MYBPC1: variants seen among roughly 807,000 people sequenced by gnomAD.
The protein encoded by MYBPC1 is myosin-binding protein C, slow-type.
MYBPC1 carries 52 observed loss-of-function variants against 147.1 expected under a neutral mutation model. The ratio of observed to expected loss-of-function variants is 0.35; its 90% CI spans 0.28 to 0.45. The LOEUF (loss-of-function observed/expected upper bound fraction) is 0.45. Ranked by LOEUF, MYBPC1 falls within the 20% of genes least tolerant of loss-of-function variation. The probability of loss-of-function intolerance (pLI) is 1.00; values close to 1 mark genes in which losing one functional copy is unlikely to be tolerated. For synonymous variants in MYBPC1, 477 were observed against 475.9 expected (o/e 1.00, Z -0.03); for missense variants, 1,228 against 1,440.3 (o/e 0.85, Z 2.39).
At chr12:101,684,461 G>T in intron 31 of MYBPC1, 37 bp downstream of exon 31, 1 of 1,493,576 alleles carries the variant, frequency 6.7e-7, no homozygotes, top group South Asian at 1.1e-5. Flanking sequence ...TGAAGCTTAT[G>T]ACTGTCATAA....
chr12:101,693,541 G>A, the MYBPC1 span, among the ~76,000 whole-genome samples: 4 of 152,120 alleles, frequency 2.6e-5, no homozygotes, highest in Non-Finnish European at 5.9e-5. Flanking sequence ...AGGCATTTGA[G>A]ACCAGCCTGG....
intron 29 of MYBPC1, among the ~76,000 whole-genome samples, chr12:101,681,592 A>ATT (rs869224775): frequency 1.5e-4 from 2 of 13,540 alleles, no homozygotes; most frequent in African/African-American, 3.2e-4. Flanking sequence ...ATATATATAT[A>ATT]TTTTTTTTTT....
intron 1 of MYBPC1, 60 bp from the exon 2 acceptor site, chr12:101,614,436 A>G: frequency 1.9e-6 from 3 of 1,597,698 alleles, no homozygotes; most frequent in Non-Finnish European, 2.6e-6. Context: ...GGGGCTGTAG[A>G]AAGCAGTTCT....
chr12:101,634,302 T>C (rs377697527), intron 8 of MYBPC1, among the ~76,000 whole-genome samples: 53 of 152,292 alleles, frequency 3.5e-4, no homozygotes, highest in African/African-American at 1.2e-3. Flanking sequence ...TATTTCTAAG[T>C]CCCTCAGTGA....
intron 10 of MYBPC1, among the ~76,000 whole-genome samples, chr12:101,637,531 C>T (rs1475648885): frequency 1.3e-5 from 2 of 151,966 alleles, no homozygotes; most frequent in Non-Finnish European, 2.9e-5. Flanking sequence ...AAAAGAAACA[C>T]TTTTTTTCTG....
At chr12:101,673,209 T>A (rs552467666) in intron 24 of MYBPC1, among the ~76,000 whole-genome samples, 1 of 152,166 alleles carries the variant, frequency 6.6e-6, no homozygotes, top group Non-Finnish European at 1.5e-5. Flanking sequence ...GATGTGAAGA[T>A]TAAGGAAAAT....
At chr12:101,626,777 TG>T in intron 3 of MYBPC1, 94 bp from the exon 4 acceptor site, 1 of 1,054,826 alleles carries the variant, frequency 9.5e-7, no homozygotes, top group Non-Finnish European at 1.5e-6. Flanking sequence ...GTGTATTGTG[TG>T]GTTTCTCATC....
chr12:101,629,197 A>T, intron 5 of MYBPC1: 6 of 503,150 alleles, frequency 1.2e-5, no homozygotes, highest in Non-Finnish European at 2.2e-5. Flanking sequence ...AAGTTCCACT[A>T]TTTCTAAGAA....
chr12:101,627,345 T>C (rs1888835700), intron 4 of MYBPC1, among the ~76,000 whole-genome samples: 1 of 152,054 alleles, frequency 6.6e-6, no homozygotes, highest in African/African-American at 2.4e-5. Context: ...CAGGTTCAAG[T>C]GATTCTCGTG....
chr12:101,666,679 GA>G, intron 22 of MYBPC1: 1 of 1,389,046 alleles, frequency 7.2e-7, no homozygotes, highest in Non-Finnish European at 1.0e-6. Flanking sequence ...GCTGACTGCT[GA>G]TACGATATTA....
intron 18 of MYBPC1, among the ~76,000 whole-genome samples, chr12:101,653,829 A>G (rs914604028): frequency 6.6e-6 from 1 of 152,162 alleles, no homozygotes; most frequent in African/African-American, 2.4e-5. Context: ...TGAGGGTGAA[A>G]TGGTAGAGTA....
chr12:101,595,074 C>CTTAG lies in MYBPC1; in HGVS notation c.4_5insTTAG (p.Pro2LeufsTer6). ...AGAATAACATCTTATTGTGGCCATGCCAGAACCCACTAAGAAAGAGGGTAA... is the reference window on the plus strand; with the variant it reads ...AGAATAACATCTTATTGTGGCCATGCTTAGCAGAACCCACTAAGAAAGAGGGTAA... On this transcript the variant is annotated frameshift_variant, in exon 1 of 32. Coordinates refer to ENST00000361466, the MANE Select transcript of MYBPC1 (RefSeq NM_002465.4). LOFTEE classifies it high-confidence loss of function. 6.2e-7 allele frequency: 1 copy of CTTAG among 1,612,754 alleles called. No individual in the cohort carries two copies. Among genetic ancestry groups the CTTAG allele is most frequent in the Non-Finnish European group, 8.5e-7 (1 of 1,179,078 alleles).
At chr12:101,664,764 G>C (rs1407254538) in intron 22 of MYBPC1, 1 of 152,216 alleles carries the variant, frequency 6.6e-6, no homozygotes, top group East Asian at 1.9e-4. Context: ...GTTTCTCCAG[G>C]ATTTAAAAAG....
chr12:101,610,218 G>A (rs1883742579), intron 1 of MYBPC1, among the ~76,000 whole-genome samples: 1 of 152,310 alleles, frequency 6.6e-6, no homozygotes, highest in South Asian at 2.1e-4. Flanking sequence ...GCTCTGAAAA[G>A]GACTAAGGTC....
intron 27 of MYBPC1, 99 bp downstream of exon 27, chr12:101,677,493 G>C: frequency 7.2e-7 from 1 of 1,392,346 alleles, no homozygotes; most frequent in Non-Finnish European, 1.0e-6. Flanking sequence ...CAAAAAAATG[G>C]TAAATGTACA....
intron 24 of MYBPC1, among the ~76,000 whole-genome samples, chr12:101,671,227 A>T (rs186983262): frequency 6.6e-5 from 10 of 152,244 alleles, no homozygotes; most frequent in Admixed American, 3.3e-4. Context: ...ATTTTAATTT[A>T]AATAGCCACG....
At chr12:101,678,028 A>C in intron 27 of MYBPC1, 74 bp from the exon 28 acceptor site, 1 of 1,538,146 alleles carries the variant, frequency 6.5e-7, no homozygotes, top group Middle Eastern at 1.7e-4. Flanking sequence ...AATCATGTGT[A>C]AAGTATGCCA....
intron 3 of MYBPC1, among the ~76,000 whole-genome samples, chr12:101,620,188 G>A (rs963013430): frequency 7.9e-5 from 12 of 152,288 alleles, no homozygotes; most frequent in African/African-American, 2.6e-4. Flanking sequence ...TAGCCCAACA[G>A]CAATAGCAGA....
At chr12:101,681,949 C>T (rs6539007) in intron 29 of MYBPC1, among the ~76,000 whole-genome samples, 93,870 of 151,752 alleles carry the variant, frequency 0.62, 30,111 homozygotes, top group African/African-American at 0.79. Flanking sequence ...TTCTTTCTTT[C>T]ACAATTCATA....
Sources: gnomAD v4.1 joint callset for allele counts (sites outside exome capture counted in the v4.1 genomes callset) on GRCh38, gnomAD v4.1.1 for gene constraint, MANE v1.5 for transcripts, NCBI Gene and HGNC (gene_info 2026-07-23, HGNC 2026-07-21) for gene names.